The following LRP1B variants were observed in gnomAD, a reference collection of about 807,000 sequenced individuals.
LRP1B encodes LDL receptor related protein 1B.
LRP1B carries 217 observed loss-of-function variants against 556.6 expected under a neutral mutation model. That is an observed-to-expected ratio of 0.39 (90% CI 0.35 to 0.44). LRP1B has a LOEUF of 0.44. Among genes scored for constraint, LRP1B ranks in the 20% least tolerant of loss-of-function variants. The probability of loss-of-function intolerance (pLI) is 1.00; values close to 1 mark genes in which losing one functional copy is unlikely to be tolerated. For synonymous variants in LRP1B, 2,047 were observed against 1,865.8 expected, an observed-to-expected ratio of 1.10 and a Z score of -2.50; for missense variants, 5,053 against 5,620.8, an observed-to-expected ratio of 0.90 and a Z score of 3.23.
chr2:141,483,313 T>C (rs1682994503), intron 2 of LRP1B, among the ~76,000 whole-genome samples: 1 of 150,986 alleles, frequency 6.6e-6, no homozygotes, highest in South Asian at 2.1e-4. Context: ...TATGGCTGCA[T>C]AGTATTCCAT....
chr2:141,353,585 T>A (rs1328438444), intron 3 of LRP1B, among the ~76,000 whole-genome samples: 1 of 152,006 alleles, frequency 6.6e-6, no homozygotes, highest in East Asian at 1.9e-4. Context: ...CATTGGGAAC[T>A]GTGAATAAAC....
intron 1 of LRP1B, among the ~76,000 whole-genome samples, chr2:142,004,468 A>AAT (rs1278260848): frequency 6.6e-6 from 1 of 151,816 alleles, no homozygotes; most frequent in Non-Finnish European, 1.5e-5. Flanking sequence ...CTACATATGT[A>AAT]ATATATATAA....
chr2:141,942,628 AAC>A (rs1700845482), intron 1 of LRP1B, among the ~76,000 whole-genome samples: 1 of 152,240 alleles, frequency 6.6e-6, no homozygotes, highest in Non-Finnish European at 1.5e-5. Flanking sequence ...CAATTCATTT[AAC>A]AGTTTGTCAA....
At chr2:141,915,668 C>T (rs964840686) in intron 1 of LRP1B, among the ~76,000 whole-genome samples, 2 of 152,062 alleles carry the variant, frequency 1.3e-5, no homozygotes, top group Non-Finnish European at 2.9e-5. Flanking sequence ...TGAAAGAAGA[C>T]ATTCACAAAG....
At chr2:141,953,972 A>G (rs532824336) in intron 1 of LRP1B, among the ~76,000 whole-genome samples, 1 of 152,172 alleles carries the variant, frequency 6.6e-6, no homozygotes, top group East Asian at 1.9e-4. Context: ...TAAAATTCCT[A>G]TTACTTTAAT....
intron 1 of LRP1B, among the ~76,000 whole-genome samples, chr2:141,875,254 C>T (rs1698718649): frequency 6.6e-6 from 1 of 151,730 alleles, no homozygotes. Flanking sequence ...AAGTGATTCT[C>T]CTTCCTTGGC....
At chr2:141,531,893 C>T (rs531722735) in intron 2 of LRP1B, among the ~76,000 whole-genome samples, 59 of 152,262 alleles carry the variant, frequency 3.9e-4, no homozygotes, top group African/African-American at 1.4e-3. Flanking sequence ...TGACATTCCA[C>T]TATACTTCAT....
chr2:140,504,185 T>C (rs1353208538), intron 53 of LRP1B, among the ~76,000 whole-genome samples: 1 of 152,184 alleles, frequency 6.6e-6, no homozygotes, highest in Non-Finnish European at 1.5e-5. Flanking sequence ...CTCTGACCTC[T>C]ATCTTCTGAA....
At chr2:141,209,009 C>T (rs973364077) in intron 6 of LRP1B, among the ~76,000 whole-genome samples, 2 of 149,852 alleles carry the variant, frequency 1.3e-5, no homozygotes, top group Admixed American at 6.7e-5. Context: ...ATTTGGGATG[C>T]TAATATGTAT....
At chr2:141,039,950 T>G (rs1194949305) in intron 11 of LRP1B, among the ~76,000 whole-genome samples, 1 of 152,104 alleles carries the variant, frequency 6.6e-6, no homozygotes, top group African/African-American at 2.4e-5. Flanking sequence ...TTTTCAAGAA[T>G]CAAATCTCAA....
chr2:142,061,411 AT>A (rs1239128292), intron 1 of LRP1B, among the ~76,000 whole-genome samples: 8 of 152,028 alleles, frequency 5.3e-5, no homozygotes, highest in African/African-American at 1.7e-4. Context: ...CAAAGAATTT[AT>A]TATAACTGCA....
At chr2:140,931,991 T>C (rs1695064304) in intron 20 of LRP1B, among the ~76,000 whole-genome samples, 1 of 152,152 alleles carries the variant, frequency 6.6e-6, no homozygotes. Context: ...TACTGTTTGG[T>C]TTACCAGTGT....
At chr2:142,035,033 G>T (rs929469665) in intron 1 of LRP1B, among the ~76,000 whole-genome samples, 11 of 151,472 alleles carry the variant, frequency 7.3e-5, no homozygotes, top group African/African-American at 2.7e-4. Context: ...ATTTAAAATG[G>T]GTAGGGTATA....
chr2:142,007,628 T>C (rs1481848462), intron 1 of LRP1B, among the ~76,000 whole-genome samples: 7 of 152,212 alleles, frequency 4.6e-5, no homozygotes, highest in Non-Finnish European at 8.8e-5. Context: ...TTTACTTTCA[T>C]GAAGGAAATG....
chr2:140,724,492 A>T (rs912584242), intron 35 of LRP1B, among the ~76,000 whole-genome samples: 13 of 152,320 alleles, frequency 8.5e-5, no homozygotes, highest in African/African-American at 2.9e-4. Flanking sequence ...TCCATATTTT[A>T]AAAATAAAGA....
intron 22 of LRP1B, among the ~76,000 whole-genome samples, chr2:140,905,974 A>G (rs1694241864): frequency 1.3e-5 from 2 of 152,300 alleles, no homozygotes; most frequent in African/African-American, 4.8e-5. Flanking sequence ...TCTCTTCACT[A>G]GAATCAGTAG....
chr2:141,789,726 C>T (rs1574361574), intron 2 of LRP1B, among the ~76,000 whole-genome samples: 3 of 151,938 alleles, frequency 2.0e-5, no homozygotes, highest in Admixed American at 6.6e-5. Context: ...AAGAATAGCT[C>T]ATGTGGTAGT....
chr2:140,541,839 G>A lies in LRP1B; in HGVS notation c.7327C>T (p.Arg2443Cys), dbSNP rs774430605. Residue 2443 changes from arginine to cysteine, a missense_variant, in exon 44 of 91, where the codon CGT becomes TGT. Physicochemically the swap from Arg to Cys is radical, Grantham distance 180. This residue lies in a region of LRP1B where 3,619 missense variants were observed against 3,931.9 expected (regional missense o/e 0.92). Coordinates refer to ENST00000389484, the MANE Select transcript of LRP1B (RefSeq NM_018557.3). ...ATTGGCTGATGTGGAATATCGGAAC[G>A]AAGAATTTTTGTATCTCCTCCTGTG... ...KYTGGDTKILRSDIPHQPMGI... is the reference protein window; with the variant it reads ...KYTGGDTKILCSDIPHQPMGI... 12 of 1,612,522 alleles carry A rather than the reference G, an allele frequency of 7.4e-6. No individual in the cohort carries two copies. In the East Asian group the frequency reaches 1.3e-4, roughly 18 times the overall value.
chr2:140,944,564 C>T (rs1033097667), intron 20 of LRP1B, among the ~76,000 whole-genome samples: 16 of 152,076 alleles, frequency 1.1e-4, no homozygotes, highest in Admixed American at 7.2e-4. Flanking sequence ...GTTAATCCAT[C>T]GTGATCAGTA....
Sources: gnomAD v4.1 joint callset for allele counts (sites outside exome capture counted in the v4.1 genomes callset) on GRCh38, gnomAD v4.1.1 for gene constraint, gnomAD v4.1.1 regional missense constraint, MANE v1.5 for transcripts, NCBI Gene and HGNC (gene_info 2026-07-23, HGNC 2026-07-21) for gene names.